The following PDZRN4 variants were observed in gnomAD, a reference collection of about 807,000 sequenced individuals.
The protein encoded by PDZRN4 is PDZ domain-containing RING finger protein 4.
PDZRN4 carries 70 observed loss-of-function variants against 99.0 expected under a neutral mutation model. That is an observed-to-expected ratio of 0.71 (90% CI 0.58 to 0.86). PDZRN4 has a LOEUF of 0.86. Ranked by LOEUF, PDZRN4 falls within the 40% of genes least tolerant of loss-of-function variation. The pLI is 0.00. For synonymous variants in PDZRN4, 551 were observed against 501.6 expected (o/e 1.10, Z -1.32); for missense variants, 1,474 against 1,331.2 (o/e 1.11, Z -1.67).
At chr12:41,336,808 T>C (rs2121006081) in intron 3 of PDZRN4, among the ~76,000 whole-genome samples, 1 of 152,152 alleles carries the variant, frequency 6.6e-6, no homozygotes, top group East Asian at 1.9e-4. Context: ...CTTGCTGTCT[T>C]CTGTTCCTAG....
At chr12:41,545,061 C>A (rs1467536128) in intron 5 of PDZRN4, among the ~76,000 whole-genome samples, 1 of 152,192 alleles carries the variant, frequency 6.6e-6, no homozygotes, top group Non-Finnish European at 1.5e-5. Context: ...TTCGCTTAAT[C>A]CCTCCAACTC....
At chr12:41,271,024 C>T (rs1267966676) in intron 3 of PDZRN4, among the ~76,000 whole-genome samples, 6 of 152,006 alleles carry the variant, frequency 3.9e-5, no homozygotes, top group Non-Finnish European at 4.4e-5. Flanking sequence ...CGTAGCATCA[C>T]ATATATGACT....
At chr12:41,471,973 CGAATT>C (rs1952996387) in intron 3 of PDZRN4, among the ~76,000 whole-genome samples, 1 of 150,976 alleles carries the variant, frequency 6.6e-6, no homozygotes, top group Admixed American at 6.6e-5. Context: ...AAAATGTACA[CGAATT>C]TAATAACAAT....
At chr12:41,559,841 A>G (rs1195681258) in intron 7 of PDZRN4, among the ~76,000 whole-genome samples, 1 of 152,106 alleles carries the variant, frequency 6.6e-6, no homozygotes, top group Non-Finnish European at 1.5e-5. Context: ...TTCTCGTGAT[A>G]GTGAGTGAGT....
chr12:41,480,713 T>C (rs935458134), intron 3 of PDZRN4, among the ~76,000 whole-genome samples: 1 of 152,110 alleles, frequency 6.6e-6, no homozygotes, highest in Non-Finnish European at 1.5e-5. Context: ...TCTCTTCTCC[T>C]GGAAGATTTT....
chr12:41,279,524 A>G (rs2120880200), intron 3 of PDZRN4, among the ~76,000 whole-genome samples: 1 of 152,300 alleles, frequency 6.6e-6, no homozygotes, highest in South Asian at 2.1e-4. Flanking sequence ...ATTATTGAAT[A>G]ATTAGTTTCT....
intron 3 of PDZRN4, among the ~76,000 whole-genome samples, chr12:41,435,305 T>G (rs1366510588): frequency 6.6e-6 from 1 of 152,220 alleles, no homozygotes; most frequent in African/African-American, 2.4e-5. Flanking sequence ...GTTCTTTAAA[T>G]GCAAACTGCA....
chr12:41,519,593 T>C (rs1456753477), intron 5 of PDZRN4, among the ~76,000 whole-genome samples: 1 of 151,526 alleles, frequency 6.6e-6, no homozygotes, highest in South Asian at 2.1e-4. Context: ...CTGAAAATTC[T>C]TCAGTGATTT....
At chr12:41,263,554 G>T (rs929892401) in intron 3 of PDZRN4, among the ~76,000 whole-genome samples, 1 of 152,152 alleles carries the variant, frequency 6.6e-6, no homozygotes, top group Non-Finnish European at 1.5e-5. Flanking sequence ...GAGCATGGTG[G>T]CATTTGCCTG....
intron 3 of PDZRN4, among the ~76,000 whole-genome samples, chr12:41,271,465 A>C (rs1297309956): frequency 1.3e-5 from 2 of 152,076 alleles, no homozygotes; most frequent in Admixed American, 1.3e-4. Context: ...GTTTTGCATA[A>C]TTATTTTCTC....
At chr12:41,491,372 A>G (rs541525976) in intron 3 of PDZRN4, among the ~76,000 whole-genome samples, 95 of 152,134 alleles carry the variant, frequency 6.2e-4, no homozygotes, top group African/African-American at 2.2e-3. Context: ...AATACAAAAA[A>G]TTGGACTGGT....
chr12:41,510,315 T>A (rs935863140), intron 5 of PDZRN4, among the ~76,000 whole-genome samples: 1 of 152,148 alleles, frequency 6.6e-6, no homozygotes, highest in Non-Finnish European at 1.5e-5. Flanking sequence ...TTATATTGTA[T>A]TCTTTGGAAA....
At chr12:41,306,305 A>G (rs1346986887) in intron 3 of PDZRN4, among the ~76,000 whole-genome samples, 3 of 152,192 alleles carry the variant, frequency 2.0e-5, no homozygotes, top group Non-Finnish European at 4.4e-5. Context: ...TTGACCAGAG[A>G]CTGTTGGGTC....
intron 3 of PDZRN4, among the ~76,000 whole-genome samples, chr12:41,436,755 G>T (rs994236965): frequency 3.9e-5 from 6 of 152,164 alleles, no homozygotes; most frequent in Admixed American, 3.3e-4. Context: ...GAAATGAAAT[G>T]CATTACTTCT....
intron 3 of PDZRN4, among the ~76,000 whole-genome samples, chr12:41,299,387 AT>A (rs1369758440): frequency 6.6e-6 from 1 of 152,078 alleles, no homozygotes; most frequent in Non-Finnish European, 1.5e-5. Flanking sequence ...AATCATCAAG[AT>A]TTCTTGAATC....
chr12:41,279,191 C>T (rs1319921027), intron 3 of PDZRN4, among the ~76,000 whole-genome samples: 3 of 152,180 alleles, frequency 2.0e-5, no homozygotes, highest in East Asian at 1.9e-4. Flanking sequence ...TTAAACAAAT[C>T]AGTCATTCTT....
chr12:41,270,996 A>T (rs1951311114), intron 3 of PDZRN4, among the ~76,000 whole-genome samples: 1 of 152,052 alleles, frequency 6.6e-6, no homozygotes, highest in Admixed American at 6.6e-5. Flanking sequence ...TTATTTTCTA[A>T]ATCTGAAATA....
intron 3 of PDZRN4, among the ~76,000 whole-genome samples, chr12:41,420,320 C>T (rs1245253991): frequency 6.6e-6 from 1 of 152,144 alleles, no homozygotes; most frequent in South Asian, 2.1e-4. Context: ...CCTCTTCTTT[C>T]TTGAACTCAT....
chr12:41,273,281 G>C (rs1951327584), intron 3 of PDZRN4, among the ~76,000 whole-genome samples: 1 of 152,042 alleles, frequency 6.6e-6, no homozygotes, highest in Non-Finnish European at 1.5e-5. Context: ...TTATAATCCA[G>C]TTTCATAAGT....
Sources: allele counts gnomAD v4.1 joint callset (sites outside exome capture counted in the v4.1 genomes callset), GRCh38; gene constraint gnomAD v4.1.1; transcripts MANE v1.5; gene names NCBI Gene and HGNC (gene_info 2026-07-23, HGNC 2026-07-21).